NPAS3: variants seen among roughly 807,000 people sequenced by gnomAD.
NPAS3 encodes neuronal PAS domain-containing protein 3.
A neutral mutation model predicts 73.1 loss-of-function variants in NPAS3; 14 were observed. The ratio of observed to expected loss-of-function variants is 0.19; its 90% CI spans 0.13 to 0.30. The LOEUF (loss-of-function observed/expected upper bound fraction) is 0.30, where lower values mean the gene tolerates loss of function less well. Among genes scored for constraint, NPAS3 ranks in the 10% least tolerant of loss-of-function variants. NPAS3 has a pLI of 1.00. For synonymous variants in NPAS3, 620 were observed against 541.5 expected (o/e 1.14, Z -2.01); for missense variants, 1,096 against 1,250.0 (o/e 0.88, Z 1.86).
chr14:33,579,038 C>T (rs2056558641), intron 5 of NPAS3, among the ~76,000 whole-genome samples: 1 of 152,190 alleles, frequency 6.6e-6, no homozygotes, highest in Non-Finnish European at 1.5e-5. Context: ...TGAGCAACTG[C>T]TATGTGCCAG....
chr14:33,057,260 G>T (rs1455167693), intron 2 of NPAS3, among the ~76,000 whole-genome samples: 1 of 151,946 alleles, frequency 6.6e-6, no homozygotes, highest in East Asian at 1.9e-4. Flanking sequence ...AGTGTTACTA[G>T]TTTTATCCGA....
chr14:33,677,026 T>C (rs958742199), intron 6 of NPAS3, among the ~76,000 whole-genome samples: 6 of 152,206 alleles, frequency 3.9e-5, no homozygotes, highest in Admixed American at 2.6e-4. Flanking sequence ...CCCATTTTCA[T>C]TGTGTTGTAC....
chr14:33,418,253 A>G (rs762060188), intron 4 of NPAS3, among the ~76,000 whole-genome samples: 18 of 151,960 alleles, frequency 1.2e-4, no homozygotes, highest in South Asian at 2.1e-4. Flanking sequence ...AAGGGCTAAT[A>G]AACAGTGACT....
chr14:33,453,014 A>T (rs2049872125), intron 4 of NPAS3, among the ~76,000 whole-genome samples: 1 of 152,152 alleles, frequency 6.6e-6, no homozygotes, highest in African/African-American at 2.4e-5. Context: ...GGAGATAGCA[A>T]CTAAATGACA....
chr14:33,069,143 C>G (rs1167996158), intron 2 of NPAS3, among the ~76,000 whole-genome samples: 1 of 152,018 alleles, frequency 6.6e-6, no homozygotes. Context: ...TGATTTGTAC[C>G]AAGACGAAGT....
chr14:33,089,516 C>T (rs1595421537), intron 2 of NPAS3, among the ~76,000 whole-genome samples: 1 of 152,302 alleles, frequency 6.6e-6, no homozygotes, highest in Admixed American at 6.5e-5. Context: ...GCCAAATCTA[C>T]ATCTGATTGG....
At chr14:33,794,083 T>C in intron 10 of NPAS3, 39 bp downstream of exon 10, 1 of 1,564,924 alleles carries the variant, frequency 6.4e-7, no homozygotes, top group Non-Finnish European at 8.8e-7. Context: ...GTCCTGGTTA[T>C]AAAATATGCC....
intron 5 of NPAS3, among the ~76,000 whole-genome samples, chr14:33,633,892 T>C (rs1049495372): frequency 3.3e-5 from 5 of 152,090 alleles, no homozygotes; most frequent in Non-Finnish European, 1.5e-5. Context: ...GGTAGGAGGA[T>C]CATTTGATCC....
intron 2 of NPAS3, among the ~76,000 whole-genome samples, chr14:33,147,051 G>A (rs1275223364): frequency 1.3e-5 from 2 of 151,840 alleles, no homozygotes; most frequent in Admixed American, 1.3e-4. Flanking sequence ...TTGTATGTCA[G>A]GTTTTTTTTT....
upstream of NPAS3, chr14:32,939,272 G>C (rs771401834): frequency 2.8e-6 from 2 of 714,174 alleles, no homozygotes; most frequent in Admixed American, 2.0e-5. Context: ...ACCCGGGAGG[G>C]GGGAGAGAGG....
At chr14:33,759,003 G>A (rs535229252) in intron 7 of NPAS3, among the ~76,000 whole-genome samples, 15 of 152,246 alleles carry the variant, frequency 9.9e-5, no homozygotes, top group African/African-American at 2.6e-4. Flanking sequence ...AGGGAAAATC[G>A]GTCAATTAAA....
intron 5 of NPAS3, among the ~76,000 whole-genome samples, chr14:33,626,214 A>G (rs1027656360): frequency 2.0e-5 from 3 of 152,184 alleles, no homozygotes; most frequent in Admixed American, 1.3e-4. Context: ...ACAAACATCT[A>G]AGTATATTAA....
At chr14:33,332,481 T>C (rs2044030497) in intron 3 of NPAS3, among the ~76,000 whole-genome samples, 1 of 152,130 alleles carries the variant, frequency 6.6e-6, no homozygotes, top group African/African-American at 2.4e-5. Context: ...GGCAAATACA[T>C]AGAGGACAGT....
At chr14:33,512,616 G>A (rs993028366) in intron 4 of NPAS3, among the ~76,000 whole-genome samples, 5 of 152,074 alleles carry the variant, frequency 3.3e-5, no homozygotes, top group African/African-American at 1.2e-4. Context: ...GCATTTTGAT[G>A]TGGGGTTTGC....
At chr14:33,148,051 G>T (rs1459245016) in intron 2 of NPAS3, among the ~76,000 whole-genome samples, 1 of 151,954 alleles carries the variant, frequency 6.6e-6, no homozygotes, top group African/African-American at 2.4e-5. Context: ...ACAAATGAGG[G>T]AAAGTTCACC....
At chr14:33,658,511 C>T (rs527994807) in intron 5 of NPAS3, among the ~76,000 whole-genome samples, 2 of 152,284 alleles carry the variant, frequency 1.3e-5, no homozygotes, top group South Asian at 2.1e-4. Flanking sequence ...CAATAAAACA[C>T]GTTCTTTAAG....
At position 33,383,231 on chromosome 14, in the gene NPAS3, T is replaced by C. The variant is rs545360299; in HGVS notation, c.468+15963T>C. On this transcript the variant is annotated intron_variant, in intron 4 of 11. Coordinates refer to ENST00000356141, the Ensembl canonical transcript of NPAS3. ...ATTGTAAGCAACTTGAAGATGGCTG[T>C]CATGTCTTGTTCATCTTCGTGTCTT... 1.9e-3 allele frequency among the ~76,000 whole-genome samples: 289 copies of C among 152,134 alleles called. 2 individuals carry two copies. The South Asian group carries it at 0.029, about 15-fold the overall frequency.
At position 32,948,566 on chromosome 14, in the gene NPAS3, C is replaced by T. The variant is rs1005762124; in HGVS notation, c.50+9200C>T. Among the ~76,000 whole-genome samples the T allele has an allele frequency of 3.3e-5, 5 of 152,088 alleles. No homozygotes were observed. In the South Asian group the frequency reaches 6.2e-4, roughly 19 times the overall value. ...CTGGAAATCAGCAGCCATCAGTTTACGAGCAATGGTTAGTTTTTGCCTCTC... is the reference window on the plus strand; with the variant it reads ...CTGGAAATCAGCAGCCATCAGTTTATGAGCAATGGTTAGTTTTTGCCTCTC... On this transcript the variant is annotated intron_variant, in intron 1 of 11. Transcript: ENST00000356141.
intron 4 of NPAS3, among the ~76,000 whole-genome samples, chr14:33,384,964 G>C (rs1248105419): frequency 1.3e-5 from 2 of 152,132 alleles, no homozygotes; most frequent in African/African-American, 2.4e-5. Flanking sequence ...CTCTTGGTAA[G>C]GGTAGGTTGG....
Sources: gnomAD v4.1 joint callset for allele counts (sites outside exome capture counted in the v4.1 genomes callset) on GRCh38, gnomAD v4.1.1 for gene constraint, MANE v1.5 for transcripts, NCBI Gene and HGNC (gene_info 2026-07-23, HGNC 2026-07-21) for gene names.